The following SSBP4 variants were observed in gnomAD, a reference collection of about 807,000 sequenced individuals.
The protein encoded by SSBP4 is single-stranded DNA-binding protein 4.
In SSBP4, 33 loss-of-function variants were observed where a neutral mutation model predicts 64.6. The observed-to-expected ratio is 0.51, with a 90% CI of 0.39 to 0.68. The LOEUF is 0.68. Ranked by LOEUF, SSBP4 falls within the 30% of genes least tolerant of loss-of-function variation. The probability of loss-of-function intolerance (pLI) is 0.00; values close to 1 mark genes in which losing one functional copy is unlikely to be tolerated. For missense variants in SSBP4, 583 were observed against 566.8 expected, an observed-to-expected ratio of 1.03 and a Z score of -0.29; for synonymous variants, 243 against 224.0, an observed-to-expected ratio of 1.08 and a Z score of -0.76.
chr19:18,424,053 C>T (rs1972660782), intron 1 of SSBP4, among the ~76,000 whole-genome samples: 1 of 152,216 alleles, frequency 6.6e-6, no homozygotes, highest in Non-Finnish European at 1.5e-5. Context: ...CAAAACTTTT[C>T]ACCCAAAACA....
chr19:18,405,933 G>A, the SSBP4 span, among the ~76,000 whole-genome samples: 2 of 151,684 alleles, frequency 1.3e-5, no homozygotes, highest in East Asian at 3.9e-4. Flanking sequence ...GGAGCTTGCA[G>A]TGAGCTGAGA....
At chr19:18,425,241 G>C (rs1279602623) in intron 1 of SSBP4, among the ~76,000 whole-genome samples, 1 of 152,056 alleles carries the variant, frequency 6.6e-6, no homozygotes, top group Non-Finnish European at 1.5e-5. Context: ...TTGGACAGCC[G>C]TGCCCTGGGT....
chr19:18,430,754 G>A, intron 4 of SSBP4, 87 bp from the exon 5 acceptor site: 3 of 1,161,568 alleles, frequency 2.6e-6, no homozygotes, highest in Non-Finnish European at 3.4e-6. Flanking sequence ...CATGGGGCCG[G>A]CCACCTGCAG....
At chr19:18,428,924 G>C (rs1973078258) in intron 4 of SSBP4, among the ~76,000 whole-genome samples, 1 of 152,192 alleles carries the variant, frequency 6.6e-6, no homozygotes, top group South Asian at 2.1e-4. Flanking sequence ...GTGGACTTGG[G>C]CGACTCTGCC....
chr19:18,433,003 C>T lies in SSBP4; in HGVS notation c.872C>T (p.Thr291Ile). The part of the protein sequence containing the change: ...DSTNSSENMY[T>I]IMNPIGQGAG... The stretch of plus-strand genomic sequence containing the variant: ...ACCAACTCCAGCGAAAACATGTACA[C>T]TATCATGAACCCCATCGGGCAGGGC... Residue 291 changes from threonine (T) to isoleucine (I), a missense_variant, in exon 14 of 18, where the codon ACT (threonine) becomes ATT (isoleucine). By Grantham distance (89) the Thr-to-Ile change is moderately conservative (BLOSUM62 -1). Transcript: ENST00000270061. 6.2e-7 allele frequency: 1 copy of T among 1,614,186 alleles called. No homozygotes were observed. The highest frequency in any genetic ancestry group is 8.5e-7 in the Non-Finnish European group (1 of 1,180,032).
Position 18,434,205 on chromosome 19 carries a change from C to G in SSBP4, c.1129-12C>G. ...CTCGGCCCCTGCGCGCTGCCCCCTC[C>G]TCTCTCCGCAGTACTCGCCAGGGAT... On this transcript the variant is annotated splice_polypyrimidine_tract_variant and intron_variant, in intron 17 of 17. Transcript: ENST00000270061. 6.2e-7 allele frequency: 1 copy of G among 1,611,594 alleles called. No homozygotes were observed. Among genetic ancestry groups the G allele is most frequent in the Non-Finnish European group, 8.5e-7 (1 of 1,179,432 alleles).
chr19:18,424,164 C>T (rs1218767847), intron 1 of SSBP4, among the ~76,000 whole-genome samples: 1 of 152,238 alleles, frequency 6.6e-6, no homozygotes, highest in African/African-American at 2.4e-5. Context: ...CTTTGGCCTC[C>T]CATCGCTCCC....
upstream of SSBP4, among the ~76,000 whole-genome samples, chr19:18,417,510 C>T (rs536647999): frequency 6.6e-6 from 1 of 152,330 alleles, no homozygotes; most frequent in South Asian, 2.1e-4. The surrounding 1 kb of genome is among the most constrained non-coding windows in gnomAD (Gnocchi z 5.4). Context: ...CCTCTCTGTG[C>T]CTCATTAGGA....
intron 1 of SSBP4, among the ~76,000 whole-genome samples, chr19:18,420,316 G>C (rs985775874): frequency 1.3e-5 from 2 of 152,110 alleles, no homozygotes; most frequent in Non-Finnish European, 2.9e-5. Context: ...CCGCTCTCTT[G>C]ATACCACTGA....
rs1812476883 is a variant in SSBP4 at position 18,434,197 on chromosome 19, G to T, written c.1129-20G>T. ...GAGCTGAACTCGGCCCCTGCGCGCTGCCCCCTCCTCTCTCCGCAGTACTCG... is the reference window on the plus strand; with the variant it reads ...GAGCTGAACTCGGCCCCTGCGCGCTTCCCCCTCCTCTCTCCGCAGTACTCG... On this transcript the variant is annotated intron_variant, in intron 17 of 17. Transcript: ENST00000270061. 3.7e-6 allele frequency: 6 copies of T among 1,610,576 alleles called. No homozygotes were observed. Among genetic ancestry groups the T allele is most frequent in the African/African-American group, 1.3e-5 (1 of 74,746 alleles).
the SSBP4 span, among the ~76,000 whole-genome samples, chr19:18,407,504 C>G: frequency 2.6e-5 from 4 of 152,054 alleles, no homozygotes. Flanking sequence ...GCAAGCTCCG[C>G]CCCCCGGGTT....
chr19:18,433,252 G>T (rs1401042777), intron 15 of SSBP4, 39 bp downstream of exon 15: 2 of 1,537,036 alleles, frequency 1.3e-6, no homozygotes, highest in African/African-American at 2.7e-5. Context: ...GTTGCCTTCC[G>T]GGCCCGTGCG....
the SSBP4 span, among the ~76,000 whole-genome samples, chr19:18,408,623 G>A: frequency 6.6e-6 from 1 of 151,892 alleles, no homozygotes; most frequent in Non-Finnish European, 1.5e-5. Context: ...CTCCTGAGTA[G>A]TTGGGATTAT....
chr19:18,431,691 G>T lies in SSBP4; in HGVS notation c.480G>T (p.Leu160=). The change falls in exon 7 of 18, where the codon CTG becomes CTT. Residue 160 remains leucine, a synonymous_variant. Coordinates refer to ENST00000270061, the MANE Select transcript of SSBP4 (RefSeq NM_032627.5). ...TCCCAGGGGGCCCCCGGCCCACCCT[G>T]CGGATGCCGAGTCAGGTGAGAAAGG... ...PRFPGGPRPT[L]RMPSQPPAGL... is the part of the protein sequence containing the mutation. 1 of 1,552,222 alleles carries T rather than the reference G, an allele frequency of 6.4e-7. No homozygotes were observed. The highest frequency in any genetic ancestry group is 8.7e-7 in the Non-Finnish European group (1 of 1,148,352).
chr19:18,420,865 AAAAAC>A (rs897793188), intron 1 of SSBP4, among the ~76,000 whole-genome samples: 1 of 151,852 alleles, frequency 6.6e-6, no homozygotes, highest in Admixed American at 6.6e-5. Context: ...AAAAAAAACA[AAAAAC>A]AAAAAAACAG....
At chr19:18,409,174 T>C in the SSBP4 span, among the ~76,000 whole-genome samples, 4 of 148,024 alleles carry the variant, frequency 2.7e-5, no homozygotes, top group Admixed American at 2.0e-4. Flanking sequence ...GATCTGCCTA[T>C]GGAGTGGCCA....
intron 1 of SSBP4, among the ~76,000 whole-genome samples, chr19:18,422,023 T>C (rs1017971401): frequency 6.6e-6 from 1 of 152,142 alleles, no homozygotes; most frequent in Non-Finnish European, 1.5e-5. Flanking sequence ...TAGCCGGGCA[T>C]GGTGGCGGGT....
chr19:18,433,841 C>G (rs1208628141), intron 17 of SSBP4, 24 bp downstream of exon 17: 2 of 1,366,536 alleles, frequency 1.5e-6, no homozygotes, highest in Non-Finnish European at 1.9e-6. Context: ...TCGACTCCCC[C>G]CCCGCGGCGG....
chr19:18,418,132 C>T (rs1047632522), upstream of SSBP4, among the ~76,000 whole-genome samples: 4 of 152,150 alleles, frequency 2.6e-5, no homozygotes, highest in African/African-American at 9.7e-5. This position sits in a 1 kb window ranked among gnomAD's most constrained non-coding sequence, Gnocchi z 6.7. Context: ...ACTGCCACCG[C>T]GCAGCCAGGG....
Sources: allele counts gnomAD v4.1 joint callset (sites outside exome capture counted in the v4.1 genomes callset), GRCh38; gene constraint gnomAD v4.1.1; non-coding constraint Gnocchi (gnomAD v3.1); transcripts MANE v1.5; gene names NCBI Gene and HGNC (gene_info 2026-07-23, HGNC 2026-07-21).